CSF2: variants seen among roughly 807,000 people sequenced by gnomAD.
CSF2 encodes colony stimulating factor 2.
In CSF2, 2 loss-of-function variants were observed where a neutral mutation model predicts 13.5. The observed-to-expected ratio is 0.15, with a 90% CI of 0.06 to 0.47. The LOEUF (loss-of-function observed/expected upper bound fraction) is 0.47. Ranked by LOEUF, CSF2 falls within the 20% of genes least tolerant of loss-of-function variation. CSF2 has a pLI of 0.97. For missense variants in CSF2, 141 were observed against 179.7 expected, an observed-to-expected ratio of 0.78 and a Z score of 1.23; for synonymous variants, 66 against 69.2, an observed-to-expected ratio of 0.95 and a Z score of 0.23.
chr5:132,074,827 G>C lies in CSF2; in HGVS notation c.219G>C (p.Gln73His). The change falls in exon 3 of 4, where the codon CAG becomes CAC. Residue 73 changes from glutamine to histidine, a missense_variant. Transcript: ENST00000296871. The part of the protein sequence containing the change: ...MFDLQEPTCL[Q>H]TRLELYKQGL... ...TTCCACAGGAGCCGACCTGCCTACA[G>C]ACCCGCCTGGAGCTGTACAAGCAGG... is the stretch of plus-strand genomic sequence containing the variant. The C allele has an allele frequency of 6.2e-7, 1 of 1,613,866 alleles. No individual in the cohort carries two copies. Among genetic ancestry groups the C allele is most frequent in the East Asian group, 2.2e-5 (1 of 44,880 alleles).
Position 132,075,961 on chromosome 5 carries a change from G to A in CSF2, c.*109G>A. 1 of 894,708 alleles carries A rather than the reference G, an allele frequency of 1.1e-6. No homozygotes were observed. Among genetic ancestry groups the A allele is most frequent in the Non-Finnish European group, 1.8e-6 (1 of 543,026 alleles). The allele number at this position is 894,708 out of a possible 1,614,324, so 55.4% of individuals were successfully genotyped here. On this transcript the variant is annotated 3_prime_UTR_variant, in exon 4 of 4. Transcript: ENST00000296871. Reference sequence around the variant, plus strand: ...GGACCAAGGGGTGGGCCACAGCCATGGTGGGAGTGGCCTGGACCTGCCCTG... The same window carrying A: ...GGACCAAGGGGTGGGCCACAGCCATAGTGGGAGTGGCCTGGACCTGCCCTG...
chr5:132,073,885 G>T lies in CSF2; in HGVS notation c.62G>T (p.Arg21Leu). 1 of 1,613,076 alleles carries T rather than the reference G, an allele frequency of 6.2e-7. No homozygotes were observed. The highest frequency in any genetic ancestry group is 1.1e-5 in the South Asian group (1 of 91,078). Residue 21 changes from arginine to leucine, a missense_variant, in exon 1 of 4, where the codon CGC (arginine) becomes CTC (leucine). Coordinates refer to ENST00000296871, the MANE Select transcript of CSF2 (RefSeq NM_000758.4). ...TVACSISAPARSPSPSTQPWE... is the reference protein window; with the variant it reads ...TVACSISAPALSPSPSTQPWE... ...GCCTGCAGCATCTCTGCACCCGCCC[G>T]CTCGCCCAGCCCCAGCACGCAGCCC... is the stretch of plus-strand genomic sequence containing the variant.
intron 2 of CSF2, 84 bp downstream of exon 2, chr5:132,074,206 C>T: frequency 6.8e-7 from 1 of 1,460,814 alleles, no homozygotes; most frequent in South Asian, 1.2e-5. Context: ...TGGCACCACA[C>T]AGGGTTGTCC....
At chr5:132,074,265 T>A in intron 2 of CSF2, 143 bp downstream of exon 2, 1 of 947,754 alleles carries the variant, frequency 1.1e-6, no homozygotes, top group Non-Finnish European at 1.7e-6. Flanking sequence ...AGCAACTGGG[T>A]GCTCAAGAGG....
rs743677 is a variant in CSF2 at position 132,074,987 on chromosome 5, G to C, written c.327+52G>C. ...CAGGAATGTCTTAATCTAGGGGGTG[G>C]GGTCGACATGGGGAGAGATCTATGG... On this transcript the variant is annotated intron_variant, in intron 3 of 3. Transcript: ENST00000296871. 15,060 of 1,611,426 alleles carry C rather than the reference G, an allele frequency of 9.3e-3. 918 individuals are homozygous for C. The African/African-American group carries it at 0.15, about 16-fold the overall frequency.
intron 2 of CSF2, 120 bp from the exon 3 acceptor site, chr5:132,074,690 G>C: frequency 6.0e-6 from 9 of 1,511,652 alleles, no homozygotes; most frequent in Non-Finnish European, 8.3e-6. Flanking sequence ...GACCCAGCCT[G>C]TGCCCCTCCC....
chr5:132,074,308 G>A (rs1756672706), intron 2 of CSF2, among the ~76,000 whole-genome samples, 186 bp downstream of exon 2: 2 of 152,182 alleles, frequency 1.3e-5, no homozygotes, highest in Admixed American at 6.5e-5. Flanking sequence ...AGTCACATGA[G>A]CTCCTTTATC....
At position 132,074,948 on chromosome 5, in the gene CSF2, G is replaced by A. The variant is rs780582880; in HGVS notation, c.327+13G>A. The A allele has an allele frequency of 9.3e-6, 15 of 1,613,098 alleles. No individual in the cohort carries two copies. Among genetic ancestry groups the A allele is most frequent in the South Asian group, 2.2e-5 (2 of 91,078 alleles). Reference sequence around the variant, plus strand: ...CCCTCCAACCCCGGTGAGTGCCTACGGCAGGGCCTCCAGCAGGAATGTCTT... The same window carrying A: ...CCCTCCAACCCCGGTGAGTGCCTACAGCAGGGCCTCCAGCAGGAATGTCTT... On this transcript the variant is annotated intron_variant, in intron 3 of 3. Transcript: ENST00000296871.
chr5:132,074,624 G>A (rs960333180), intron 2 of CSF2, among the ~76,000 whole-genome samples, 186 bp from the exon 3 acceptor site: 2 of 152,158 alleles, frequency 1.3e-5, no homozygotes, highest in East Asian at 1.9e-4. Context: ...GGCCTGGGCG[G>A]GGCAGTGAGA....
rs755097799 is a variant in CSF2 at position 132,073,883 on chromosome 5, C to T, written c.60C>T (p.Ala20=). 1 of 1,613,118 alleles carries T rather than the reference C, an allele frequency of 6.2e-7. No homozygotes were observed. The highest frequency in any genetic ancestry group is 1.3e-5 in the African/African-American group (1 of 75,056). ...GTVACSISAP[A]RSPSPSTQPW... is the part of the protein sequence containing the mutation. ...TGGCCTGCAGCATCTCTGCACCCGC[C>T]CGCTCGCCCAGCCCCAGCACGCAGC... The change falls in exon 1 of 4, where the codon GCC becomes GCT. Residue 20 remains alanine, a synonymous_variant. Coordinates refer to ENST00000296871, the MANE Select transcript of CSF2 (RefSeq NM_000758.4).
chr5:132,074,667 G>C, intron 2 of CSF2, 143 bp from the exon 3 acceptor site: 1 of 1,350,220 alleles, frequency 7.4e-7, no homozygotes, highest in African/African-American at 1.4e-5. Context: ...GGACAGGGCA[G>C]GGTCTATGAC....
intron 3 of CSF2, among the ~76,000 whole-genome samples, chr5:132,075,388 G>A (rs545616134): frequency 6.6e-6 from 1 of 152,378 alleles, no homozygotes; most frequent in African/African-American, 2.4e-5. Context: ...TGCGGGAAGG[G>A]AGCAAAGTTT....
chr5:132,075,648 A>G, intron 3 of CSF2, 97 bp from the exon 4 acceptor site: 1 of 976,318 alleles, frequency 1.0e-6, no homozygotes, highest in African/African-American at 1.6e-5. Flanking sequence ...CTGGCCTCTG[A>G]GTTCTAAGAG....
chr5:132,075,692 C>G (rs554218352), intron 3 of CSF2, 53 bp from the exon 4 acceptor site: 897 of 1,350,586 alleles, frequency 6.6e-4, no homozygotes, highest in Non-Finnish European at 8.7e-4. Context: ...TTCCTTCCCC[C>G]ACGTTACCCA....
At position 132,074,797 on chromosome 5, in the gene CSF2, A is replaced by T. The variant is rs756023331; in HGVS notation, c.202-13A>T. On this transcript the variant is annotated splice_polypyrimidine_tract_variant and intron_variant, in intron 2 of 3. Coordinates refer to ENST00000296871, the MANE Select transcript of CSF2 (RefSeq NM_000758.4). The stretch of plus-strand genomic sequence containing the variant: ...CTTGGCCACTGCTCACCGACGAACG[A>T]CATTTTCCACAGGAGCCGACCTGCC... The T allele has an allele frequency of 1.2e-6, 2 of 1,613,832 alleles. No individual in the cohort carries two copies. Among genetic ancestry groups the T allele is most frequent in the Non-Finnish European group, 1.7e-6 (2 of 1,180,014 alleles).
chr5:132,074,053 G>T (rs368853369), intron 1 of CSF2, 28 bp from the exon 2 acceptor site: 1 of 1,613,712 alleles, frequency 6.2e-7, no homozygotes, highest in South Asian at 1.1e-5. Context: ...CTGTCAGCTT[G>T]ATAACATGAC....
rs1249784833 is a variant in CSF2, at chr5:132,075,839, C to T, written c.422C>T (p.Pro141Leu). 6.2e-7 allele frequency: 1 copy of T among 1,609,766 alleles called. No individual in the cohort carries two copies. Among genetic ancestry groups the T allele is most frequent in the South Asian group, 1.1e-5 (1 of 91,064 alleles). ...GTCATCCCCTTTGACTGCTGGGAGC[C>T]AGTCCAGGAGTGAGACCGGCCAGAT... ...LLVIPFDCWE[P>L]VQE is the part of the protein sequence containing the mutation. Residue 141 changes from proline (P) to leucine (L), a missense_variant, in exon 4 of 4, where the codon CCA (proline) becomes CTA (leucine). Pro to Leu is a moderately conservative substitution (Grantham distance 98). Transcript: ENST00000296871.
intron 3 of CSF2, 85 bp downstream of exon 3, chr5:132,075,020 T>C: frequency 6.3e-7 from 1 of 1,598,666 alleles, no homozygotes; most frequent in Non-Finnish European, 8.6e-7. Context: ...TGGCTGTGGC[T>C]GTTCAGGACC....
At position 132,075,856 on chromosome 5, in the gene CSF2, C is replaced by G. The variant is rs775184590; in HGVS notation, c.*4C>G. 1 of 1,600,770 alleles carries G rather than the reference C, an allele frequency of 6.2e-7. No individual in the cohort carries two copies. The highest frequency in any genetic ancestry group is 1.1e-5 in the South Asian group (1 of 90,902). ...CTGGGAGCCAGTCCAGGAGTGAGAC[C>G]GGCCAGATGAGGCTGGCCAAGCCGG... On this transcript the variant is annotated 3_prime_UTR_variant, in exon 4 of 4. Coordinates refer to ENST00000296871, the MANE Select transcript of CSF2 (RefSeq NM_000758.4).
Sources: gnomAD v4.1 joint callset for allele counts (sites outside exome capture counted in the v4.1 genomes callset) on GRCh38, gnomAD v4.1.1 for gene constraint, MANE v1.5 for transcripts, NCBI Gene and HGNC (gene_info 2026-07-23, HGNC 2026-07-21) for gene names.